CDH4: variants seen among roughly 807,000 people sequenced by gnomAD.
CDH4 encodes cadherin-4.
Under a neutral mutation model 86.0 loss-of-function variants are expected in CDH4, and 33 were observed. That is an observed-to-expected ratio of 0.38 (90% confidence interval 0.29 to 0.51). The LOEUF (loss-of-function observed/expected upper bound fraction) is 0.51. Ranked by LOEUF, CDH4 falls within the 20% of genes least tolerant of loss-of-function variation. The probability of loss-of-function intolerance (pLI) is 0.86; values close to 1 mark genes in which losing one functional copy is unlikely to be tolerated. For synonymous variants in CDH4, 555 were observed against 549.4 expected, an observed-to-expected ratio of 1.01 and a Z score of -0.14; for missense variants, 1,114 against 1,307.4, an observed-to-expected ratio of 0.85 and a Z score of 2.28.
chr20:61,331,133 G>A (rs974967243), intron 2 of CDH4, among the ~76,000 whole-genome samples: 1 of 152,092 alleles, frequency 6.6e-6, no homozygotes, highest in South Asian at 2.1e-4. Context: ...AGCAGGGAAG[G>A]CTGTCTTGGG....
intron 6 of CDH4, among the ~76,000 whole-genome samples, chr20:61,867,548 CAAAAA>C (rs3079324): frequency 2.3e-5 from 2 of 88,030 alleles, no homozygotes; most frequent in Non-Finnish European, 4.9e-5. Flanking sequence ...AGACTCCATC[CAAAAA>C]AAAAAAAAAG....
intron 7 of CDH4, among the ~76,000 whole-genome samples, chr20:61,883,209 A>G (rs948864155): frequency 1.3e-5 from 2 of 151,722 alleles, no homozygotes; most frequent in African/African-American, 4.8e-5. Context: ...CCTGGCAAAC[A>G]GCCCTGCCTG....
intron 4 of CDH4, among the ~76,000 whole-genome samples, chr20:61,800,596 T>TG (rs1979778132): frequency 6.6e-6 from 1 of 152,210 alleles, no homozygotes; most frequent in Admixed American, 6.5e-5. Context: ...GGGGCTGCAG[T>TG]GTGAGCCCTT....
chr20:61,649,152 A>AGT (rs2087095278), intron 2 of CDH4, among the ~76,000 whole-genome samples: 1 of 152,222 alleles, frequency 6.6e-6, no homozygotes, highest in Non-Finnish European at 1.5e-5. Flanking sequence ...TCACCTGCAC[A>AGT]CGTGTGTCTG....
chr20:61,551,103 G>A (rs1358522931), intron 2 of CDH4, among the ~76,000 whole-genome samples: 1 of 152,202 alleles, frequency 6.6e-6, no homozygotes, highest in Non-Finnish European at 1.5e-5. Context: ...TTCTCCTCGG[G>A]ATCGATAAAG....
chr20:61,808,890 C>T (rs1298055673), intron 4 of CDH4, among the ~76,000 whole-genome samples: 4 of 152,090 alleles, frequency 2.6e-5, no homozygotes, highest in African/African-American at 9.7e-5. Context: ...TTTTCGAGGA[C>T]ATCTTATGGA....
intron 2 of CDH4, among the ~76,000 whole-genome samples, chr20:61,671,414 T>A (rs1306608904): frequency 1.3e-5 from 2 of 152,170 alleles, no homozygotes; most frequent in Non-Finnish European, 2.9e-5. Flanking sequence ...GAGGATTGCT[T>A]GAGCCCAGAA....
At chr20:61,697,034 C>T (rs2087721680) in intron 2 of CDH4, among the ~76,000 whole-genome samples, 1 of 152,180 alleles carries the variant, frequency 6.6e-6, no homozygotes, top group African/African-American at 2.4e-5. Flanking sequence ...AGGGCCCTCC[C>T]CTAGAGCCTT....
chr20:61,611,206 C>G (rs1600805724), intron 2 of CDH4, among the ~76,000 whole-genome samples: 1 of 152,068 alleles, frequency 6.6e-6, no homozygotes, highest in Non-Finnish European at 1.5e-5. Context: ...GCCCCAGCCC[C>G]TTTCCTTCCT....
intron 3 of CDH4, among the ~76,000 whole-genome samples, chr20:61,746,771 G>A (rs542112774): frequency 1.2e-3 from 184 of 152,354 alleles, no homozygotes; most frequent in African/African-American, 4.2e-3. Context: ...AAACAGCAGC[G>A]CATATGGCTG....
chr20:61,278,289 G>A (rs113102670), intron 2 of CDH4, among the ~76,000 whole-genome samples: 6 of 152,324 alleles, frequency 3.9e-5, no homozygotes, highest in African/African-American at 1.4e-4. Flanking sequence ...AAGTGCCTGT[G>A]TGCTTAAATG....
chr20:61,562,166 G>T (rs1158672456), intron 2 of CDH4, among the ~76,000 whole-genome samples: 1 of 129,596 alleles, frequency 7.7e-6, no homozygotes, highest in African/African-American at 2.9e-5. Flanking sequence ...AGAGAGAGAG[G>T]GACCTCCCTG....
At chr20:61,398,005 G>T (rs2085028632) in intron 2 of CDH4, among the ~76,000 whole-genome samples, 1 of 152,222 alleles carries the variant, frequency 6.6e-6, no homozygotes, top group Non-Finnish European at 1.5e-5. Context: ...CGAGCTGCGT[G>T]CCTGGGAACC....
chr20:61,866,991 T>C (rs6089532), intron 6 of CDH4, among the ~76,000 whole-genome samples: 86,701 of 152,152 alleles, frequency 0.57, 25,344 homozygotes, highest in Non-Finnish European at 0.63. Flanking sequence ...GGGAAGGAGA[T>C]GATGCCGACG....
chr20:61,771,359 C>T (rs910984745), intron 3 of CDH4, among the ~76,000 whole-genome samples: 1 of 150,938 alleles, frequency 6.6e-6, no homozygotes, highest in Non-Finnish European at 1.5e-5. Context: ...CATGGTGGCT[C>T]ATGCCTGTAA....
At chr20:61,490,094 G>A (rs1265265869) in intron 2 of CDH4, among the ~76,000 whole-genome samples, 1 of 152,152 alleles carries the variant, frequency 6.6e-6, no homozygotes, top group African/African-American at 2.4e-5. Flanking sequence ...AAAATCAAAT[G>A]GACATCTAAT....
intron 2 of CDH4, among the ~76,000 whole-genome samples, chr20:61,736,651 G>A (rs2088267592): frequency 1.5e-5 from 2 of 136,286 alleles, no homozygotes; most frequent in Admixed American, 1.5e-4. Context: ...AGGAAGGAGA[G>A]AGAGAGAGAG....
chr20:61,345,075 G>A (rs548602080), intron 2 of CDH4, among the ~76,000 whole-genome samples: 9 of 152,188 alleles, frequency 5.9e-5, no homozygotes, highest in South Asian at 2.1e-4. Flanking sequence ...TTTTTATCTC[G>A]TTTGGATTCC....
chr20:61,661,135 G>T (rs1345817165), intron 2 of CDH4, among the ~76,000 whole-genome samples: 1 of 151,172 alleles, frequency 6.6e-6, no homozygotes, highest in East Asian at 2.0e-4. Context: ...GTGCGGTAGG[G>T]CAGCTTCTTG....
Sources: allele counts gnomAD v4.1 joint callset (sites outside exome capture counted in the v4.1 genomes callset), GRCh38; gene constraint gnomAD v4.1.1; transcripts MANE v1.5; gene names NCBI Gene and HGNC (gene_info 2026-07-23, HGNC 2026-07-21).